Variants in PRDM1 observed in about 807,000 individuals in gnomAD.
PRDM1 encodes PR/SET domain 1.
PRDM1 carries 13 observed loss-of-function variants against 62.8 expected under a neutral mutation model. The observed-to-expected ratio is 0.21, with a 90% confidence interval of 0.13 to 0.33. The LOEUF (loss-of-function observed/expected upper bound fraction) is 0.33. Among genes scored for constraint, PRDM1 ranks in the 10% least tolerant of loss-of-function variants. The pLI is 1.00. For missense variants in PRDM1, 895 were observed against 1,058.8 expected (o/e 0.85, Z 2.15); for synonymous variants, 396 against 417.6 (o/e 0.95, Z 0.63).
intron 1 of PRDM1, among the ~76,000 whole-genome samples, chr6:106,052,564 T>G (rs1256224997): frequency 3.9e-5 from 6 of 152,134 alleles, no homozygotes; most frequent in Non-Finnish European, 8.8e-5. Flanking sequence ...TTAACAATTG[T>G]TTTGGATCCT....
intron 3 of PRDM1, among the ~76,000 whole-genome samples, chr6:106,097,651 A>G (rs1386553766): frequency 6.6e-6 from 1 of 152,236 alleles, no homozygotes; most frequent in African/African-American, 2.4e-5. Flanking sequence ...TTCATTTTAC[A>G]TATGCGTTAT....
At chr6:106,061,087 C>T (rs750314795) in intron 1 of PRDM1, among the ~76,000 whole-genome samples, 21 of 152,336 alleles carry the variant, frequency 1.4e-4, no homozygotes, top group Middle Eastern at 3.4e-3. Context: ...CTTCTCTTTC[C>T]GGTTTTTAGC....
chr6:105,999,542 T>C (rs1450183676), intron 1 of PRDM1, among the ~76,000 whole-genome samples: 1 of 152,190 alleles, frequency 6.6e-6, no homozygotes, highest in Non-Finnish European at 1.5e-5. Flanking sequence ...ACTGCTGTGT[T>C]ACTTGCCTTA....
chr6:106,060,278 T>C (rs1285274178), intron 1 of PRDM1, among the ~76,000 whole-genome samples: 1 of 152,140 alleles, frequency 6.6e-6, no homozygotes, highest in African/African-American at 2.4e-5. Flanking sequence ...ATGTGAAGAA[T>C]TTTCTCAAGA....
At position 106,109,118 on chromosome 6, in the gene PRDM1, A is replaced by T. The variant is rs1423299611; in HGVS notation, c.*1632A>T. 6 of 202,556 alleles carry T rather than the reference A, an allele frequency of 3.0e-5. No homozygotes were observed. Among genetic ancestry groups the T allele is most frequent in the African/African-American group, 1.4e-4 (6 of 42,348 alleles). The allele number at this position is 202,556 out of a possible 1,614,324, so 12.5% of individuals were successfully genotyped here. A position where few individuals can be genotyped will look rare whatever the true frequency, so the allele number is the denominator to read the frequency against. Reference sequence around the variant, plus strand: ...AAAAAAAAAAAAAAAAAAAAAGAACACTCCTTTCTGAGACTTTGCTTAATA... The same window carrying T: ...AAAAAAAAAAAAAAAAAAAAAGAACTCTCCTTTCTGAGACTTTGCTTAATA... On this transcript the variant is annotated 3_prime_UTR_variant, in exon 7 of 7. Transcript: ENST00000369096.
At chr6:106,008,572 G>T (rs887967392) in intron 1 of PRDM1, among the ~76,000 whole-genome samples, 6 of 152,300 alleles carry the variant, frequency 3.9e-5, no homozygotes, top group South Asian at 4.1e-4. Context: ...GCCTGGTACA[G>T]AGGATATAGA....
chr6:106,014,218 C>A (rs561132558), intron 1 of PRDM1, among the ~76,000 whole-genome samples: 2 of 151,990 alleles, frequency 1.3e-5, no homozygotes, highest in African/African-American at 4.8e-5. Context: ...CACCACCATG[C>A]CTTGCTAATT....
At chr6:106,041,876 T>G (rs942506675) in intron 1 of PRDM1, among the ~76,000 whole-genome samples, 49 of 150,928 alleles carry the variant, frequency 3.2e-4, no homozygotes, top group African/African-American at 1.1e-3. Context: ...GGCACTATAT[T>G]GGCTGACTGC....
chr6:106,086,426 G>T lies in PRDM1; in HGVS notation c.-128G>T, dbSNP rs2114614060. 1 of 807,130 alleles carries T rather than the reference G, an allele frequency of 1.2e-6. No homozygotes were observed. Among genetic ancestry groups the T allele is most frequent in the Non-Finnish European group, 2.0e-6 (1 of 504,392 alleles). The allele number at this position is 807,130 out of a possible 1,614,324, so 50.0% of individuals were successfully genotyped here. A position where few individuals can be genotyped will look rare whatever the true frequency, so the allele number is the denominator to read the frequency against. On this transcript the variant is annotated 5_prime_UTR_variant, in exon 1 of 7. Transcript: ENST00000369096. The stretch of plus-strand genomic sequence containing the variant: ...CGCGGCACCTGTCCGCCCGGAGCTG[G>T]GACGCGGGCGCCCGGGCGGCCGGAC...
chr6:105,999,907 G>A (rs992971000), intron 1 of PRDM1, among the ~76,000 whole-genome samples: 3 of 152,244 alleles, frequency 2.0e-5, no homozygotes, highest in African/African-American at 7.2e-5. Flanking sequence ...AGGCTGGAGT[G>A]CAGTGGCGCC....
At chr6:106,023,874 G>C (rs1772730909) in intron 1 of PRDM1, among the ~76,000 whole-genome samples, 1 of 152,190 alleles carries the variant, frequency 6.6e-6, no homozygotes, top group Admixed American at 6.5e-5. Context: ...TAGCACGGTG[G>C]CTCATGCCTA....
Position 106,106,286 on chromosome 6 carries a change from G to C in PRDM1, c.1774-85G>C, listed in dbSNP as rs1013489894. Reference sequence around the variant, plus strand: ...TCTTGATGCTTTTCTTAAGATATTTGCATCAACACTTGAGTCTTGGAGCAG... The same window carrying C: ...TCTTGATGCTTTTCTTAAGATATTTCCATCAACACTTGAGTCTTGGAGCAG... On this transcript the variant is annotated intron_variant, in intron 5 of 6. Coordinates refer to ENST00000369096, the MANE Select transcript of PRDM1 (RefSeq NM_001198.4). The surrounding 1 kb of genome is among the most constrained non-coding windows in gnomAD (Gnocchi z 4.4). The C allele has an allele frequency of 2.0e-6, 3 of 1,522,272 alleles. No individual in the cohort carries two copies. Among genetic ancestry groups the C allele is most frequent in the Non-Finnish European group, 2.7e-6 (3 of 1,118,606 alleles). 94.3% of individuals were successfully genotyped at this position (1,522,272 alleles called of 1,614,324 possible). A position where few individuals can be genotyped will look rare whatever the true frequency, so the allele number is the denominator to read the frequency against.
chr6:105,993,112 C>G (rs1160853627), upstream of PRDM1, among the ~76,000 whole-genome samples: 1 of 152,216 alleles, frequency 6.6e-6, no homozygotes, highest in Non-Finnish European at 1.5e-5. Flanking sequence ...GGCAGATAGA[C>G]GCACATGTCG....
rs557852698 is a variant in PRDM1, at chr6:106,098,503, C to G, written c.412-797C>G. 2.9e-5 allele frequency: 36 copies of G among 1,220,724 alleles called. 1 individual carries two copies. In the South Asian group the frequency reaches 4.6e-4, roughly 16 times the overall value. 75.6% of individuals were successfully genotyped at this position (1,220,724 alleles called of 1,614,324 possible). A position where few individuals can be genotyped will look rare whatever the true frequency, so the allele number is the denominator to read the frequency against. On this transcript the variant is annotated intron_variant, in intron 3 of 6. Transcript: ENST00000369096. ...CCTGTTCTTTTTCCAAAAACACACG[C>G]CTATGGCTCTGTGTGTGGTGTTTTA...
At chr6:106,067,755 G>A (rs1427199937) in intron 1 of PRDM1, among the ~76,000 whole-genome samples, 4 of 152,156 alleles carry the variant, frequency 2.6e-5, no homozygotes, top group African/African-American at 2.4e-5. Flanking sequence ...TAGGATCAGA[G>A]TTTCTGTTTT....
chr6:106,062,720 G>C (rs1773363698), intron 1 of PRDM1, among the ~76,000 whole-genome samples: 2 of 152,158 alleles, frequency 1.3e-5, no homozygotes, highest in South Asian at 4.1e-4. Flanking sequence ...TTTTGACTAA[G>C]TTTTGGCTTG....
upstream of PRDM1, among the ~76,000 whole-genome samples, chr6:106,084,392 TATTA>T (rs1193979549): frequency 1.3e-5 from 2 of 152,232 alleles, no homozygotes; most frequent in Non-Finnish European, 2.9e-5. Flanking sequence ...TGCAGGCTGA[TATTA>T]ATTAACAGTG....
Position 106,099,458 on chromosome 6 carries a change from C to G in PRDM1, c.570C>G (p.Ile190Met), listed in dbSNP as rs752042053. The G allele has an allele frequency of 5.0e-6, 8 of 1,614,206 alleles. No homozygotes were observed. In the South Asian group the frequency reaches 8.8e-5, roughly 18 times the overall value. ...MNIYFYTIKP[I>M]PANQELLVWY... ...TCTACTTCTACACCATTAAGCCCAT[C>G]CCTGCCAACCAGGAACTTCTTGTGT... The change falls in exon 4 of 7, where the codon ATC (isoleucine) becomes ATG (methionine). Residue 190 changes from isoleucine (I) to methionine (M), a missense_variant. By Grantham distance (10) the Ile-to-Met change is conservative (BLOSUM62 1). Transcript: ENST00000369096.
upstream of PRDM1, chr6:106,045,441 C>T (rs573187824): frequency 8.5e-5 from 13 of 152,296 alleles, no homozygotes; most frequent in Admixed American, 3.3e-4. Context: ...TCTGGAACTA[C>T]GCCCTCATTT....
Sources: allele counts gnomAD v4.1 joint callset (sites outside exome capture counted in the v4.1 genomes callset), GRCh38; gene constraint gnomAD v4.1.1; non-coding constraint Gnocchi (gnomAD v3.1); transcripts MANE v1.5; gene names NCBI Gene and HGNC (gene_info 2026-07-23, HGNC 2026-07-21).